ALK: variants seen among roughly 807,000 people sequenced by gnomAD.
The protein encoded by ALK is ALK receptor tyrosine kinase.
ALK carries 74 observed loss-of-function variants against 163.1 expected under a neutral mutation model. The ratio of observed to expected loss-of-function variants is 0.45; its 90% CI spans 0.38 to 0.55. The LOEUF is 0.55. ALK is among the 20% of genes least tolerant of loss of function. The pLI is 0.00. For synonymous variants in ALK, 960 were observed against 843.2 expected (o/e 1.14, Z -2.40); for missense variants, 2,063 against 2,105.3 (o/e 0.98, Z 0.39).
At chr2:29,472,180 AGT>A (rs1435970345) in intron 4 of ALK, among the ~76,000 whole-genome samples, 2 of 152,222 alleles carry the variant, frequency 1.3e-5, no homozygotes, top group East Asian at 3.8e-4. Flanking sequence ...AGGCCCAAGT[AGT>A]GATGCCACCA....
chr2:29,327,842 T>C (rs752839882), intron 6 of ALK, among the ~76,000 whole-genome samples: 4 of 152,134 alleles, frequency 2.6e-5, no homozygotes, highest in African/African-American at 4.8e-5. Flanking sequence ...GGAGGCTTTC[T>C]GAAAGAATCG....
intron 9 of ALK, among the ~76,000 whole-genome samples, chr2:29,293,060 G>A (rs943973114): frequency 6.6e-6 from 1 of 152,208 alleles, no homozygotes; most frequent in African/African-American, 2.4e-5. Context: ...AGAAAGCACA[G>A]GTACCAGGCA....
At chr2:29,855,659 T>C (rs1666119833) in intron 1 of ALK, among the ~76,000 whole-genome samples, 1 of 152,182 alleles carries the variant, frequency 6.6e-6, no homozygotes, top group Non-Finnish European at 1.5e-5. Flanking sequence ...CTCAAAGAAG[T>C]GAACACAGGA....
chr2:29,422,582 T>G lies in ALK; in HGVS notation c.1155-38723A>C, dbSNP rs76481806. 1.3e-3 allele frequency among the ~76,000 whole-genome samples: 198 copies of G among 152,392 alleles called. 4 individuals are homozygous for G. The East Asian group carries it at 0.035, about 27-fold the overall frequency. On this transcript the variant is annotated intron_variant, in intron 4 of 28. Transcript: ENST00000389048. ...GTCTGACTCTCTATTTTCTGTCTTC[T>G]CTAACACTTTCTGAAGAAATGCTTA...
At chr2:29,911,581 T>C (rs1667703584) in intron 1 of ALK, among the ~76,000 whole-genome samples, 1 of 152,190 alleles carries the variant, frequency 6.6e-6, no homozygotes, top group Non-Finnish European at 1.5e-5. Flanking sequence ...GAGAAGGAAA[T>C]ATGCTAATTC....
intron 4 of ALK, among the ~76,000 whole-genome samples, chr2:29,464,451 G>A (rs993574060): frequency 4.6e-5 from 7 of 152,098 alleles, no homozygotes; most frequent in Non-Finnish European, 7.4e-5. Flanking sequence ...TGGCAAATGG[G>A]CATTATTGTG....
At chr2:29,688,860 C>T (rs1678311171) in intron 3 of ALK, among the ~76,000 whole-genome samples, 1 of 152,196 alleles carries the variant, frequency 6.6e-6, no homozygotes, top group Non-Finnish European at 1.5e-5. Context: ...TAATTATTGA[C>T]TCCCATTAAC....
intron 3 of ALK, among the ~76,000 whole-genome samples, chr2:29,616,483 T>C (rs1573501578): frequency 6.6e-6 from 1 of 152,182 alleles, no homozygotes; most frequent in African/African-American, 2.4e-5. Context: ...TCAAGGCGTC[T>C]GAAGAATTTG....
intron 13 of ALK, among the ~76,000 whole-genome samples, chr2:29,236,673 C>G (rs1193671387): frequency 1.4e-4 from 21 of 152,104 alleles, no homozygotes; most frequent in Non-Finnish European, 2.9e-4. Flanking sequence ...TTCCAGGACT[C>G]CCCATCCTCT....
chr2:29,751,943 AC>A (rs1208584691), intron 1 of ALK, among the ~76,000 whole-genome samples: 2 of 152,172 alleles, frequency 1.3e-5, no homozygotes, highest in Non-Finnish European at 2.9e-5. Flanking sequence ...CATTTTTGAG[AC>A]CGGAGTGGTA....
intron 1 of ALK, among the ~76,000 whole-genome samples, chr2:29,761,450 C>T (rs1307049194): frequency 6.6e-6 from 1 of 152,182 alleles, no homozygotes; most frequent in Non-Finnish European, 1.5e-5. Context: ...TAGCTCTCCC[C>T]CTTCTCAGCT....
At chr2:29,642,475 AG>A (rs1676732372) in intron 3 of ALK, among the ~76,000 whole-genome samples, 1 of 152,218 alleles carries the variant, frequency 6.6e-6, no homozygotes. Flanking sequence ...GCATATATTG[AG>A]AGACAAACAA....
chr2:29,483,311 G>A (rs1419969849), intron 4 of ALK, among the ~76,000 whole-genome samples: 1 of 152,230 alleles, frequency 6.6e-6, no homozygotes, highest in Non-Finnish European at 1.5e-5. Flanking sequence ...CAGGTCAACT[G>A]AACCAGAATC....
intron 5 of ALK, among the ~76,000 whole-genome samples, chr2:29,365,699 G>A (rs945283609): frequency 6.6e-6 from 1 of 152,142 alleles, no homozygotes; most frequent in African/African-American, 2.4e-5. Flanking sequence ...TACCAAAAAG[G>A]GTTGGGTATT....
intron 1 of ALK, among the ~76,000 whole-genome samples, chr2:29,768,922 T>C (rs2148342712): frequency 6.6e-6 from 1 of 152,118 alleles, no homozygotes; most frequent in South Asian, 2.1e-4. Context: ...CAGCCTTGAC[T>C]TCCTGGGCTC....
intron 1 of ALK, among the ~76,000 whole-genome samples, chr2:29,863,524 C>T (rs1047442373): frequency 3.1e-4 from 47 of 152,070 alleles, no homozygotes; most frequent in African/African-American, 1.1e-3. Flanking sequence ...TTTTTAAATG[C>T]TCACATCCAC....
intron 5 of ALK, among the ~76,000 whole-genome samples, chr2:29,375,379 C>T (rs777998971): frequency 3.9e-4 from 60 of 152,174 alleles, no homozygotes; most frequent in Non-Finnish European, 6.5e-4. Context: ...AGTGCAGTGG[C>T]ACCACCTCGG....
chr2:29,271,362 G>A (rs1364016004), intron 11 of ALK, among the ~76,000 whole-genome samples: 1 of 152,212 alleles, frequency 6.6e-6, no homozygotes, highest in Non-Finnish European at 1.5e-5. Flanking sequence ...TTTCTCATTG[G>A]AATTGGCATC....
At chr2:29,747,470 G>A (rs903059895) in intron 1 of ALK, among the ~76,000 whole-genome samples, 5 of 152,162 alleles carry the variant, frequency 3.3e-5, no homozygotes, top group East Asian at 1.9e-4. Context: ...AGGATACATC[G>A]GTTTTGGAGT....
Sources: gnomAD v4.1 joint callset for allele counts (sites outside exome capture counted in the v4.1 genomes callset) on GRCh38, gnomAD v4.1.1 for gene constraint, MANE v1.5 for transcripts, NCBI Gene and HGNC (gene_info 2026-07-23, HGNC 2026-07-21) for gene names.